The following LMBRD1 variants were observed in gnomAD, a reference collection of about 807,000 sequenced individuals.
LMBRD1 encodes the protein LMBR1 domain containing 1, also known as lysosomal cobalamin transport escort protein LMBD1.
A neutral mutation model predicts 74.8 loss-of-function variants in LMBRD1; 64 were observed. The ratio of observed to expected loss-of-function variants is 0.86; its 90% CI spans 0.70 to 1.05. LMBRD1 has a LOEUF of 1.05. Ranked by LOEUF, LMBRD1 falls within the 50% of genes least tolerant of loss-of-function variation. The probability of loss-of-function intolerance (pLI) is 0.00; values close to 1 mark genes in which losing one functional copy is unlikely to be tolerated. For missense variants in LMBRD1, 652 were observed against 645.9 expected, an observed-to-expected ratio of 1.01 and a Z score of -0.10; for synonymous variants, 204 against 216.3, an observed-to-expected ratio of 0.94 and a Z score of 0.50.
At chr6:69,705,851 A>C in intron 9 of LMBRD1, 2 of 1,327,582 alleles carry the variant, frequency 1.5e-6, no homozygotes, top group Admixed American at 1.7e-5. Context: ...CCTGAACCAC[A>C]CTTCAACCGT....
intron 12 of LMBRD1, among the ~76,000 whole-genome samples, chr6:69,700,385 AAT>A (rs1766100047): frequency 6.6e-6 from 1 of 151,876 alleles, no homozygotes; most frequent in Non-Finnish European, 1.5e-5. Context: ...ACTAAGAAAT[AAT>A]ATAACTTTTG....
intron 3 of LMBRD1, among the ~76,000 whole-genome samples, chr6:69,756,819 G>C (rs1434437972): frequency 6.6e-6 from 1 of 152,090 alleles, no homozygotes; most frequent in Non-Finnish European, 1.5e-5. Flanking sequence ...TCATGTTTTT[G>C]CACAATCTAA....
intron 3 of LMBRD1, among the ~76,000 whole-genome samples, chr6:69,770,914 G>A (rs895899696): frequency 2.6e-5 from 4 of 152,156 alleles, no homozygotes; most frequent in Non-Finnish European, 5.9e-5. Context: ...AAAGGCTAAA[G>A]GAGTTAAATT....
chr6:69,743,587 A>G (rs1156684622), intron 5 of LMBRD1, among the ~76,000 whole-genome samples: 1 of 152,236 alleles, frequency 6.6e-6, no homozygotes, highest in African/African-American at 2.4e-5. Flanking sequence ...GAAAGCATCC[A>G]TCAGAGAGTT....
intron 14 of LMBRD1, among the ~76,000 whole-genome samples, chr6:69,685,133 C>A (rs1031630): frequency 0.6 from 79,282 of 132,302 alleles, 21,301 homozygotes; most frequent in Non-Finnish European, 0.69. Context: ...AAAAAGAGAG[C>A]ACACACATGT....
rs1396558600 is a variant in LMBRD1 at position 69,675,318 on chromosome 6, C to T, written c.*840G>A. 6.6e-6 allele frequency among the ~76,000 whole-genome samples: 1 copy of T among 151,790 alleles called. No individual in the cohort carries two copies. The highest frequency in any genetic ancestry group is 1.9e-4 in the East Asian group (1 of 5,186). On this transcript the variant is annotated 3_prime_UTR_variant, in exon 16 of 16. Transcript: ENST00000649934. Reference sequence around the variant, plus strand: ...ACTATCCAGAATGTGTTCAAAATACCCTACTGATGTCATACAGCTTTCATT... The same window carrying T: ...ACTATCCAGAATGTGTTCAAAATACTCTACTGATGTCATACAGCTTTCATT...
At chr6:69,791,769 T>G (rs9446161) in intron 1 of LMBRD1, among the ~76,000 whole-genome samples, 12,780 of 152,184 alleles carry the variant, frequency 0.084, 674 homozygotes, top group Admixed American at 0.15. Flanking sequence ...TGTAGTTAAC[T>G]CCTCTCTCTG....
chr6:69,699,338 C>T, intron 12 of LMBRD1, 146 bp from the exon 13 acceptor site: 1 of 702,206 alleles, frequency 1.4e-6, no homozygotes, highest in South Asian at 1.8e-5. Context: ...TCTTAATCAT[C>T]CCAAATAATT....
intron 3 of LMBRD1, among the ~76,000 whole-genome samples, chr6:69,763,259 C>A (rs1182912172): frequency 1.3e-5 from 2 of 150,052 alleles, no homozygotes; most frequent in Middle Eastern, 3.4e-3. Context: ...AATTGTTAAG[C>A]AAAATGAGCC....
chr6:69,678,129 C>T (rs1049711277), intron 14 of LMBRD1, among the ~76,000 whole-genome samples: 4 of 151,956 alleles, frequency 2.6e-5, no homozygotes, highest in Non-Finnish European at 5.9e-5. Flanking sequence ...ACTGATAACA[C>T]GAACTATAGA....
intron 1 of LMBRD1, among the ~76,000 whole-genome samples, chr6:69,791,159 C>T (rs1766074204): frequency 6.6e-6 from 1 of 152,180 alleles, no homozygotes; most frequent in Non-Finnish European, 1.5e-5. Flanking sequence ...GAGCATAGGA[C>T]TTTAATGATT....
chr6:69,702,992 T>A (rs1207781968), intron 9 of LMBRD1, among the ~76,000 whole-genome samples: 1 of 152,056 alleles, frequency 6.6e-6, no homozygotes, highest in Non-Finnish European at 1.5e-5. Flanking sequence ...CTCTGGGGAA[T>A]TCTTCAGTTA....
At chr6:69,716,105 T>C (rs947691355) in intron 8 of LMBRD1, among the ~76,000 whole-genome samples, 1 of 152,230 alleles carries the variant, frequency 6.6e-6, no homozygotes, top group Non-Finnish European at 1.5e-5. Flanking sequence ...TATCGCAGAA[T>C]GCTTTATATT....
intron 14 of LMBRD1, among the ~76,000 whole-genome samples, chr6:69,694,219 T>C (rs899713007): frequency 3.3e-5 from 5 of 152,124 alleles, no homozygotes; most frequent in Non-Finnish European, 7.4e-5. Context: ...CAGTTCAACA[T>C]AATTTTGAAA....
intron 7 of LMBRD1, among the ~76,000 whole-genome samples, chr6:69,719,957 GAC>G (rs1491303626): frequency 6.6e-6 from 1 of 152,168 alleles, no homozygotes; most frequent in African/African-American, 2.4e-5. Flanking sequence ...TTTTAGGCAT[GAC>G]CCCAAACACC....
In LMBRD1 at chr6:69,780,505, T is replaced by C. The variant is rs755286749; in HGVS notation, c.296A>G (p.Tyr99Cys). Reference sequence around the variant, plus strand: ...TGAAAGATACTTACTATAGTAACCGTATAATACAGTGTCCTCAATCTGTCT... The same window carrying C: ...TGAAAGATACTTACTATAGTAACCGCATAATACAGTGTCCTCAATCTGTCT... ...VSRQIEDTVL[Y>C]GYYTLYSVIL... The change falls in exon 3 of 16, where the codon TAC becomes TGC. Residue 99 changes from tyrosine (Y) to cysteine (C), a missense_variant. Physicochemically the swap from Tyr to Cys is radical, Grantham distance 194. This residue lies in a region of LMBRD1 where 598 missense variants were observed against 581.8 expected (regional missense o/e 1.03). Coordinates refer to ENST00000649934, the MANE Select transcript of LMBRD1 (RefSeq NM_018368.4). 2 of 1,608,550 alleles carry C rather than the reference T, an allele frequency of 1.2e-6. No homozygotes were observed. Among genetic ancestry groups the C allele is most frequent in the East Asian group, 4.5e-5 (2 of 44,832 alleles).
At chr6:69,708,616 T>C (rs1433456679) in intron 9 of LMBRD1, among the ~76,000 whole-genome samples, 5 of 151,312 alleles carry the variant, frequency 3.3e-5, no homozygotes, top group Non-Finnish European at 5.9e-5. Flanking sequence ...GGGAAATGCA[T>C]GGCAATCACA....
At chr6:69,786,181 T>G (rs910303927) in intron 2 of LMBRD1, among the ~76,000 whole-genome samples, 27 of 152,308 alleles carry the variant, frequency 1.8e-4, no homozygotes, top group African/African-American at 5.8e-4. Context: ...GTACCTACAA[T>G]TGTCAGGCAC....
At chr6:69,729,944 G>A (rs192065094) in intron 7 of LMBRD1, among the ~76,000 whole-genome samples, 2,456 of 139,366 alleles carry the variant, frequency 0.018, 53 homozygotes, top group African/African-American at 0.057. Flanking sequence ...TGAACTTCAC[G>A]AACTTCACTT....
Sources: allele counts gnomAD v4.1 joint callset (sites outside exome capture counted in the v4.1 genomes callset), GRCh38; gene constraint gnomAD v4.1.1; regional missense constraint gnomAD v4.1.1; transcripts MANE v1.5; gene names NCBI Gene and HGNC (gene_info 2026-07-23, HGNC 2026-07-21).